Variants in WAC observed in about 807,000 individuals in gnomAD.
WAC encodes WW domain-containing adapter protein with coiled-coil.
WAC carries 11 observed loss-of-function variants against 79.6 expected under a neutral mutation model. The observed-to-expected ratio is 0.14, with a 90% CI of 0.09 to 0.23. WAC has a LOEUF of 0.23. Among genes scored for constraint, WAC ranks in the 10% least tolerant of loss-of-function variants. The pLI is 1.00. For synonymous variants in WAC, 304 were observed against 276.9 expected, an observed-to-expected ratio of 1.10 and a Z score of -0.97; for missense variants, 728 against 773.5, an observed-to-expected ratio of 0.94 and a Z score of 0.70.
At chr10:28,533,027 C>G (rs1453320093), upstream of WAC, 1 of 154,330 alleles carries the variant, frequency 6.5e-6, no homozygotes, top group Non-Finnish European at 1.5e-5. Context: ...GGGCGGTGTT[C>G]CGGACCCGCG....
chr10:28,568,786 C>A (rs1284643998), intron 3 of WAC, among the ~76,000 whole-genome samples: 1 of 152,080 alleles, frequency 6.6e-6, no homozygotes, highest in African/African-American at 2.4e-5. Flanking sequence ...GCTGACCAGG[C>A]TGCTCTTGAA....
rs759933036 is a variant in WAC at position 28,538,697 on chromosome 10, C to T, written c.274+2940C>T. On this transcript the variant is annotated intron_variant, in intron 3 of 13. Transcript: ENST00000354911. ...TTGAAGCCAGGAGTTTGAGACTAGC[C>T]TTGGCAACATAGCAAGACCCTGTGT... 2.0e-5 allele frequency among the ~76,000 whole-genome samples: 3 copies of T among 150,178 alleles called. No individual in the cohort carries two copies. The South Asian group carries it at 6.3e-4, about 32-fold the overall frequency.
At chr10:28,539,183 A>G (rs368923606) in intron 3 of WAC, among the ~76,000 whole-genome samples, 23 of 152,182 alleles carry the variant, frequency 1.5e-4, no homozygotes, top group African/African-American at 5.3e-4. Flanking sequence ...AGCATTTTTC[A>G]GTAATTACTA....
chr10:28,587,608 CTT>C (rs1839888655), intron 4 of WAC, among the ~76,000 whole-genome samples: 1 of 152,140 alleles, frequency 6.6e-6, no homozygotes, highest in Non-Finnish European at 1.5e-5. Flanking sequence ...ATTAGTTACT[CTT>C]TTTGTAAAGT....
intron 3 of WAC, among the ~76,000 whole-genome samples, chr10:28,558,691 A>G (rs914166903): frequency 1.4e-4 from 21 of 152,342 alleles, no homozygotes; most frequent in African/African-American, 5.1e-4. Context: ...AATGAAAGCA[A>G]GTAAAATAAT....
chr10:28,576,239 G>A (rs750743611), intron 3 of WAC, among the ~76,000 whole-genome samples: 20 of 152,098 alleles, frequency 1.3e-4, no homozygotes, highest in East Asian at 1.9e-4. Flanking sequence ...ATAATGTTAC[G>A]TGTAATTTTC....
chr10:28,605,868 A>ATAT (rs1840915436), intron 7 of WAC, among the ~76,000 whole-genome samples: 1 of 151,950 alleles, frequency 6.6e-6, no homozygotes, highest in Non-Finnish European at 1.5e-5. Context: ...TTTCAGGGGG[A>ATAT]TATTAATACT....
intron 3 of WAC, among the ~76,000 whole-genome samples, chr10:28,546,944 C>T (rs1837380301): frequency 6.6e-6 from 1 of 150,754 alleles, no homozygotes; most frequent in African/African-American, 2.4e-5. Flanking sequence ...CACTGTTAGG[C>T]TTTCTTTTTG....
chr10:28,541,720 C>T (rs1007852714), intron 3 of WAC, among the ~76,000 whole-genome samples: 5 of 152,112 alleles, frequency 3.3e-5, no homozygotes, highest in African/African-American at 1.2e-4. Context: ...ATTTAGCCTA[C>T]TGTTGTTGAA....
At chr10:28,608,484 G>C (rs1227729215) in intron 8 of WAC, 53 bp downstream of exon 8, 1 of 1,475,822 alleles carries the variant, frequency 6.8e-7, no homozygotes, top group Non-Finnish European at 9.1e-7. Context: ...GCAAAGTTAT[G>C]TAAGTAGTAA....
rs932301188 is a variant in WAC, at chr10:28,535,687, A to G, written c.204A>G (p.Lys68=). 3.7e-6 allele frequency: 6 copies of G among 1,614,054 alleles called. No individual in the cohort carries two copies. The East Asian group carries it at 6.7e-5, about 18-fold the overall frequency. The change falls in exon 3 of 14, where the codon AAA becomes AAG. Residue 68 remains lysine (K), a synonymous_variant. Coordinates refer to ENST00000354911, the MANE Select transcript of WAC (RefSeq NM_016628.5). ...GGAGATCTGATAGTCCTGAAAACAA[A>G]TACAGTGACAGCACAGGTCACAGTA... is the stretch of plus-strand genomic sequence containing the variant. ...MLRRSDSPEN[K]YSDSTGHSKA... is the part of the protein sequence containing the mutation.
intron 3 of WAC, among the ~76,000 whole-genome samples, chr10:28,576,420 A>G (rs150383037): frequency 1.2e-3 from 188 of 152,260 alleles, no homozygotes; most frequent in Non-Finnish European, 2.3e-3. Context: ...ACTTAATGTC[A>G]TTTGTTTGTG....
At chr10:28,564,103 A>G (rs1485470875) in intron 3 of WAC, among the ~76,000 whole-genome samples, 4 of 151,980 alleles carry the variant, frequency 2.6e-5, no homozygotes, top group Non-Finnish European at 4.4e-5. Context: ...ATCTTTACCA[A>G]AAAATACAAA....
chr10:28,576,561 G>T (rs1839255799), intron 3 of WAC, among the ~76,000 whole-genome samples: 1 of 152,208 alleles, frequency 6.6e-6, no homozygotes, highest in South Asian at 2.1e-4. Context: ...TGGTTCATGT[G>T]TAAAAAAGAA....
At chr10:28,553,188 A>C (rs1837786615) in intron 3 of WAC, among the ~76,000 whole-genome samples, 1 of 152,198 alleles carries the variant, frequency 6.6e-6, no homozygotes, top group Admixed American at 6.5e-5. Flanking sequence ...AACAAGGTTG[A>C]AAATTTTCAC....
At chr10:28,533,732 C>T (rs1386292496) in intron 1 of WAC, 112 bp downstream of exon 1, 7 of 1,062,588 alleles carry the variant, frequency 6.6e-6, no homozygotes, top group Non-Finnish European at 7.9e-6. Flanking sequence ...AACCCTGATC[C>T]GGATCGGGTT....
At chr10:28,541,953 A>G (rs1837076396) in intron 3 of WAC, among the ~76,000 whole-genome samples, 1 of 152,066 alleles carries the variant, frequency 6.6e-6, no homozygotes, top group Non-Finnish European at 1.5e-5. Flanking sequence ...GTCACCTCAC[A>G]TCTCTCTCAA....
chr10:28,553,603 T>G (rs1837820110), intron 3 of WAC, among the ~76,000 whole-genome samples: 1 of 152,156 alleles, frequency 6.6e-6, no homozygotes, highest in Admixed American at 6.5e-5. Context: ...ATAGTGCCGT[T>G]TAAGATTGAG....
intron 4 of WAC, among the ~76,000 whole-genome samples, chr10:28,588,421 C>T (rs1165999821): frequency 6.6e-6 from 1 of 152,114 alleles, no homozygotes; most frequent in Non-Finnish European, 1.5e-5. Flanking sequence ...TTCCAACTGC[C>T]TTCAGAATTA....
Sources: allele counts gnomAD v4.1 joint callset (sites outside exome capture counted in the v4.1 genomes callset), GRCh38; gene constraint gnomAD v4.1.1; transcripts MANE v1.5; gene names NCBI Gene and HGNC (gene_info 2026-07-23, HGNC 2026-07-21).